The following MLLT1 variants were observed in gnomAD, a reference collection of about 807,000 sequenced individuals.
The protein encoded by MLLT1 is MLLT1 super elongation complex subunit.
A neutral mutation model predicts 55.1 loss-of-function variants in MLLT1; 11 were observed. That is an observed-to-expected ratio of 0.20 (90% CI 0.13 to 0.33). The LOEUF is 0.33. MLLT1 is among the 10% of genes least tolerant of loss of function. MLLT1 has a pLI of 1.00. For missense variants in MLLT1, 536 were observed against 760.6 expected (o/e 0.70, Z 3.47); for synonymous variants, 323 against 320.1 (o/e 1.01, Z -0.10).
At chr19:6,216,594 C>T (rs1356671855) in intron 7 of MLLT1, 81 bp from the exon 8 acceptor site, 9 of 995,040 alleles carry the variant, frequency 9.0e-6, no homozygotes, top group African/African-American at 3.2e-5. Flanking sequence ...CATGAGGCCA[C>T]GCAGAGCTTC....
chr19:6,231,747 C>T lies in MLLT1; in HGVS notation c.277-1034G>A, dbSNP rs1446501905. On this transcript the variant is annotated intron_variant, in intron 3 of 11. Transcript: ENST00000252674. The surrounding 1 kb of genome is among the most constrained non-coding windows in gnomAD (Gnocchi z 5.1). ...CCATCTCCTGACCTCGTGACCCACCCGCCTCAGCCTCCCAAAGTGCTGGGA... is the reference window on the plus strand; with the variant it reads ...CCATCTCCTGACCTCGTGACCCACCTGCCTCAGCCTCCCAAAGTGCTGGGA... 2.6e-5 allele frequency among the ~76,000 whole-genome samples: 4 copies of T among 151,952 alleles called. No individual in the cohort carries two copies. The highest frequency in any genetic ancestry group is 4.4e-5 in the Non-Finnish European group (3 of 67,996).
rs570246694 is a variant in MLLT1, at chr19:6,235,250, G to A, written c.277-4537C>T. On this transcript the variant is annotated intron_variant, in intron 3 of 11. Coordinates refer to ENST00000252674, the MANE Select transcript of MLLT1 (RefSeq NM_005934.4). The surrounding 1 kb of genome is among the most constrained non-coding windows in gnomAD (Gnocchi z 5.5). ...ACTTCTGAGTGGACGCTGGCAGCAC[G>A]GCTGTGCAGAGGATGAACGTGGCTG... Among the ~76,000 whole-genome samples the A allele has an allele frequency of 2.0e-5, 3 of 152,326 alleles. No homozygotes were observed. The highest frequency in any genetic ancestry group is 7.2e-5 in the African/African-American group (3 of 41,578).
intron 3 of MLLT1, among the ~76,000 whole-genome samples, chr19:6,253,693 G>A (rs990286149): frequency 2.0e-5 from 3 of 152,008 alleles, no homozygotes; most frequent in East Asian, 1.9e-4. Context: ...ATCCATCAGC[G>A]TAATACAGCA....
At chr19:6,233,070 C>T (rs2091027637) in intron 3 of MLLT1, among the ~76,000 whole-genome samples, 1 of 152,272 alleles carries the variant, frequency 6.6e-6, no homozygotes, top group East Asian at 1.9e-4. Context: ...AGCCTAAGCT[C>T]GCAGGTGTAC....
rs1028686071 is a variant in MLLT1 at position 6,256,258 on chromosome 19, A to T, written c.276+5970T>A. Among the ~76,000 whole-genome samples the T allele has an allele frequency of 8.5e-6, 1 of 117,360 alleles. No homozygotes were observed. Among genetic ancestry groups the T allele is most frequent in the East Asian group, 2.2e-4 (1 of 4,470 alleles). 77.0% of individuals were successfully genotyped at this position (117,360 alleles called of 152,430 possible). ...ATAAATAAATAAATAAATAAATAAA[A>T]AGACCAGCCTGGGCAACACAATGGG... On this transcript the variant is annotated intron_variant, in intron 3 of 11. Transcript: ENST00000252674. This position sits in a 1 kb window ranked among gnomAD's most constrained non-coding sequence, Gnocchi z 4.1.
At chr19:6,236,782 A>G (rs748049004) in intron 3 of MLLT1, among the ~76,000 whole-genome samples, 1 of 152,208 alleles carries the variant, frequency 6.6e-6, no homozygotes. Flanking sequence ...CAGCTCCTTC[A>G]TGCCCCTGAG....
chr19:6,238,833 G>A (rs1350347348), intron 3 of MLLT1, among the ~76,000 whole-genome samples: 2 of 152,014 alleles, frequency 1.3e-5, no homozygotes, highest in Admixed American at 6.5e-5. Context: ...GCAGCCAAAC[G>A]CCTCCTCCGC....
chr19:6,222,631 C>G lies in MLLT1; in HGVS notation c.600G>C (p.Glu200Asp). The G allele has an allele frequency of 6.3e-7, 1 of 1,585,554 alleles. No homozygotes were observed. The highest frequency in any genetic ancestry group is 1.3e-5 in the African/African-American group (1 of 74,354). Reference protein sequence around the residue: ...KTSKPHKVTKEHRERPRKDSE... With the variant: ...KTSKPHKVTKDHRERPRKDSE... ...AGTCTTTGCGGGGCCGCTCCCGGTG[C>G]TCCTTGGTCACCTTGTGTGGCTTGG... The change falls in exon 6 of 12, where the codon GAG becomes GAC. Residue 200 changes from glutamate (E) to aspartate (D), a missense_variant. Coordinates refer to ENST00000252674, the MANE Select transcript of MLLT1 (RefSeq NM_005934.4). This position sits in a 1 kb window ranked among gnomAD's most constrained non-coding sequence, Gnocchi z 4.1.
In MLLT1 at chr19:6,213,972, TG is replaced by T; in HGVS notation, c.1373del (p.Pro458HisfsTer49). The T allele has an allele frequency of 7.5e-7, 1 of 1,335,456 alleles. No individual in the cohort carries two copies. The highest frequency in any genetic ancestry group is 1.0e-6 in the Non-Finnish European group (1 of 998,174). The allele number at this position is 1,335,456 out of a possible 1,614,324, so 82.7% of individuals were successfully genotyped here. The stretch of plus-strand genomic sequence containing the variant: ...TGGGCGGGGGTGGCTTCTGGGGGGG[TG>T]GGGGCTCACGGCTGGGCAGGGAGGA... ...ADSSLPSREPPPPQKPPPPNS... is the reference protein window; with the variant it reads ...ADSSLPSREPXPPQKPPPPNS... On this transcript the variant is annotated frameshift_variant, in exon 9 of 12. Coordinates refer to ENST00000252674, the MANE Select transcript of MLLT1 (RefSeq NM_005934.4). LOFTEE classifies it high-confidence loss of function.
chr19:6,225,812 C>T (rs1173497840), intron 5 of MLLT1, among the ~76,000 whole-genome samples: 2 of 152,196 alleles, frequency 1.3e-5, no homozygotes, highest in South Asian at 2.1e-4. Context: ...GTCCTTTCTA[C>T]GCAGGGTTTT....
chr19:6,274,038 G>A (rs2091414542), intron 1 of MLLT1, among the ~76,000 whole-genome samples: 1 of 152,240 alleles, frequency 6.6e-6, no homozygotes, highest in Non-Finnish European at 1.5e-5. Flanking sequence ...CGGGCCCAAA[G>A]TGCTGCCCAG....
Position 6,226,341 on chromosome 19 carries a change from A to G in MLLT1, c.546+636T>C, listed in dbSNP as rs2090956974. Among the ~76,000 whole-genome samples, 1 of 152,204 alleles carries G rather than the reference A, an allele frequency of 6.6e-6. No homozygotes were observed. The highest frequency in any genetic ancestry group is 2.4e-5 in the African/African-American group (1 of 41,452). On this transcript the variant is annotated intron_variant, in intron 5 of 11. Transcript: ENST00000252674. The surrounding 1 kb of genome is among the most constrained non-coding windows in gnomAD (Gnocchi z 6.3). ...TTAAAGGGACACTGTGATGCCATCA[A>G]AGGGCTTTCTAGCTTGTCTTCTGAA...
chr19:6,230,541 C>G lies in MLLT1; in HGVS notation c.420+29G>C, dbSNP rs1363356844. ...CAAAGTAGCCTCGGTGGAGCGGCCC[C>G]TTGGCGGGCAGGGGCGGGGCACACT... is the stretch of plus-strand genomic sequence containing the variant. On this transcript the variant is annotated intron_variant, in intron 4 of 11. Coordinates refer to ENST00000252674, the MANE Select transcript of MLLT1 (RefSeq NM_005934.4). The surrounding 1 kb of genome is among the most constrained non-coding windows in gnomAD (Gnocchi z 9.0). 5.6e-6 allele frequency: 9 copies of G among 1,609,956 alleles called. No homozygotes were observed. The East Asian group carries it at 2.0e-4, about 36-fold the overall frequency.
intron 1 of MLLT1, among the ~76,000 whole-genome samples, chr19:6,272,556 G>A (rs910198488): frequency 2.6e-5 from 4 of 152,222 alleles, no homozygotes; most frequent in African/African-American, 2.4e-5. Context: ...CCTGTGGACA[G>A]CTCCACGGGA....
At chr19:6,276,874 T>C (rs2091430859) in intron 1 of MLLT1, among the ~76,000 whole-genome samples, 1 of 152,122 alleles carries the variant, frequency 6.6e-6, no homozygotes, top group Non-Finnish European at 1.5e-5. Flanking sequence ...GGAAAAGATG[T>C]CAATGCTGAG....
At chr19:6,272,251 C>T (rs945784858) in intron 1 of MLLT1, among the ~76,000 whole-genome samples, 2 of 152,330 alleles carry the variant, frequency 1.3e-5, no homozygotes, top group Non-Finnish European at 2.9e-5. Context: ...CAGGCGCACA[C>T]GTGCACACAC....
rs2090992508 is a variant in MLLT1, at chr19:6,229,941, C to T, written c.420+629G>A. ...GGCACCCAGGCAAAGGCTCTGTGGCCCTGGGCCCTGAAGGTGGCATTGCTG... is the reference window on the plus strand; with the variant it reads ...GGCACCCAGGCAAAGGCTCTGTGGCTCTGGGCCCTGAAGGTGGCATTGCTG... On this transcript the variant is annotated intron_variant, in intron 4 of 11. Coordinates refer to ENST00000252674, the MANE Select transcript of MLLT1 (RefSeq NM_005934.4). The surrounding 1 kb of genome is among the most constrained non-coding windows in gnomAD (Gnocchi z 5.2). 1.3e-5 allele frequency among the ~76,000 whole-genome samples: 2 copies of T among 152,270 alleles called. No individual in the cohort carries two copies. Among genetic ancestry groups the T allele is most frequent in the South Asian group, 4.1e-4 (2 of 4,826 alleles).
chr19:6,230,007 G>GC lies in MLLT1; in HGVS notation c.420+562dup, dbSNP rs1231556424. ...TCAGCCTGCACGTCCCTCCCTCCAC[G>GC]CCCCCCTCCTCCATAACCACCACCA... On this transcript the variant is annotated intron_variant, in intron 4 of 11. Coordinates refer to ENST00000252674, the MANE Select transcript of MLLT1 (RefSeq NM_005934.4). This position sits in a 1 kb window ranked among gnomAD's most constrained non-coding sequence, Gnocchi z 9.0. Among the ~76,000 whole-genome samples the GC allele has an allele frequency of 6.6e-6, 1 of 151,270 alleles. No individual in the cohort carries two copies. Among genetic ancestry groups the GC allele is most frequent in the Non-Finnish European group, 1.5e-5 (1 of 67,806 alleles).
At chr19:6,255,562 A>G (rs1311458335) in intron 3 of MLLT1, among the ~76,000 whole-genome samples, 2 of 152,218 alleles carry the variant, frequency 1.3e-5, no homozygotes, top group African/African-American at 4.8e-5. Context: ...TATACTGAAA[A>G]CTATAAAATA....
Sources: allele counts gnomAD v4.1 joint callset (sites outside exome capture counted in the v4.1 genomes callset), GRCh38; gene constraint gnomAD v4.1.1; non-coding constraint Gnocchi (gnomAD v3.1); transcripts MANE v1.5; gene names NCBI Gene and HGNC (gene_info 2026-07-23, HGNC 2026-07-21).